Variants in HSD17B12 observed in about 807,000 individuals in gnomAD.
HSD17B12 encodes the protein hydroxysteroid 17-beta dehydrogenase 12, also known as very-long-chain 3-oxoacyl-CoA reductase.
A neutral mutation model predicts 39.3 loss-of-function variants in HSD17B12; 32 were observed. The ratio of observed to expected loss-of-function variants is 0.81; its 90% CI spans 0.61 to 1.09. HSD17B12 has a LOEUF of 1.09. HSD17B12 is among the 50% of genes least tolerant of loss of function. The pLI is 0.00. For missense variants in HSD17B12, 342 were observed against 382.9 expected (o/e 0.89, Z 0.89); for synonymous variants, 150 against 146.7 (o/e 1.02, Z -0.16).
At chr11:43,717,909 A>T (rs1028017919) in intron 1 of HSD17B12, among the ~76,000 whole-genome samples, 3 of 151,292 alleles carry the variant, frequency 2.0e-5, no homozygotes, top group Non-Finnish European at 4.4e-5. Context: ...GGTTTAAGCA[A>T]TTCTCATACC....
intron 3 of HSD17B12, among the ~76,000 whole-genome samples, chr11:43,761,186 T>C (rs998326311): frequency 2.0e-5 from 3 of 152,234 alleles, no homozygotes; most frequent in Non-Finnish European, 4.4e-5. Flanking sequence ...AAATTTACCA[T>C]TAAATGAAAC....
the HSD17B12 span, among the ~76,000 whole-genome samples, chr11:43,563,773 G>A: frequency 5.3e-3 from 808 of 152,274 alleles, 13 homozygotes; most frequent in African/African-American, 0.013. Flanking sequence ...AGCTATGATC[G>A]TGCCACTGCA....
rs1305210495 is a variant in HSD17B12 at position 43,754,113 on chromosome 11, G to C, written c.275G>C (p.Ser92Thr). 3 of 1,608,302 alleles carry C rather than the reference G, an allele frequency of 1.9e-6. No homozygotes were observed. Among genetic ancestry groups the C allele is most frequent in the Non-Finnish European group, 2.6e-6 (3 of 1,175,434 alleles). The change falls in exon 3 of 11, where the codon AGT (serine) becomes ACT (threonine). Residue 92 changes from serine (S) to threonine (T), a missense_variant. Coordinates refer to ENST00000278353, the MANE Select transcript of HSD17B12 (RefSeq NM_016142.3). The part of the protein sequence containing the change: ...RSKDKLDQVS[S>T]EIKEKFKVET... ...AAGGATAAACTTGACCAGGTTTCCAGTGAAATAAGTAAGTTCTCACATCAA... is the reference window on the plus strand; with the variant it reads ...AAGGATAAACTTGACCAGGTTTCCACTGAAATAAGTAAGTTCTCACATCAA...
At chr11:43,755,817 A>T (rs1312742644) in intron 3 of HSD17B12, among the ~76,000 whole-genome samples, 1 of 152,208 alleles carries the variant, frequency 6.6e-6, no homozygotes, top group Non-Finnish European at 1.5e-5. Flanking sequence ...GATAAAAAAC[A>T]GAGTGTATTC....
intron 1 of HSD17B12, among the ~76,000 whole-genome samples, chr11:43,686,236 T>C (rs1476814599): frequency 6.6e-6 from 1 of 152,206 alleles, no homozygotes; most frequent in Non-Finnish European, 1.5e-5. Flanking sequence ...AGTCATTACA[T>C]GGGTTATGTT....
chr11:43,673,385 C>G, the HSD17B12 span: 1 of 151,842 alleles, frequency 6.6e-6, no homozygotes, highest in Non-Finnish European at 1.5e-5. Context: ...AAGCAGAAAT[C>G]TAATGTGATT....
the HSD17B12 span, among the ~76,000 whole-genome samples, chr11:43,591,675 A>G: frequency 6.6e-6 from 1 of 152,056 alleles, no homozygotes; most frequent in Admixed American, 6.6e-5. Flanking sequence ...TTCTTTGTGA[A>G]CTACCTCTCA....
the HSD17B12 span, among the ~76,000 whole-genome samples, chr11:43,631,014 A>C: frequency 1.3e-5 from 2 of 152,242 alleles, no homozygotes; most frequent in South Asian, 4.1e-4. Context: ...CATGTTGGTC[A>C]GGCTGGTCTC....
chr11:43,850,922 G>A (rs1399823656), intron 9 of HSD17B12, among the ~76,000 whole-genome samples: 2 of 152,112 alleles, frequency 1.3e-5, no homozygotes, highest in African/African-American at 4.8e-5. Context: ...TTAGCCGGGC[G>A]TGGTGGCAGG....
intron 6 of HSD17B12, chr11:43,829,631 C>T (rs1951287541): frequency 6.6e-6 from 1 of 152,108 alleles, no homozygotes; most frequent in Non-Finnish European, 1.5e-5. Context: ...CTTCTGGACT[C>T]CACTTAGCTG....
chr11:43,723,962 A>G (rs987865312), intron 1 of HSD17B12: 1 of 150,496 alleles, frequency 6.6e-6, no homozygotes, highest in Non-Finnish European at 1.5e-5. Flanking sequence ...GAGGAGGAGA[A>G]TTTTTTTTTT....
chr11:43,712,452 T>A (rs1043940954), intron 1 of HSD17B12, among the ~76,000 whole-genome samples: 1 of 151,860 alleles, frequency 6.6e-6, no homozygotes, highest in East Asian at 1.9e-4. Flanking sequence ...ACCAAAAAGC[T>A]TGGTCTCCAC....
At chr11:43,617,890 G>A in the HSD17B12 span, among the ~76,000 whole-genome samples, 1 of 152,162 alleles carries the variant, frequency 6.6e-6, no homozygotes, top group Non-Finnish European at 1.5e-5. Context: ...ATCTCCCTAA[G>A]TATCTTTTTA....
In HSD17B12 at chr11:43,798,311, T is replaced by C. The variant is rs993852696; in HGVS notation, c.284-9T>C. ...TGTCTCTCCCCGTTTGTGTTTTCTT[T>C]TTCCCTAGAAGAAAAATTCAAAGTG... On this transcript the variant is annotated splice_polypyrimidine_tract_variant and intron_variant, in intron 3 of 10. Transcript: ENST00000278353. The C allele has an allele frequency of 4.5e-6, 7 of 1,567,464 alleles. No individual in the cohort carries two copies. The highest frequency in any genetic ancestry group is 4.4e-6 in the Non-Finnish European group (5 of 1,139,078).
chr11:43,764,535 T>G (rs1416236793), intron 3 of HSD17B12, among the ~76,000 whole-genome samples: 1 of 152,158 alleles, frequency 6.6e-6, no homozygotes, highest in Admixed American at 6.5e-5. Context: ...CCATCAATTA[T>G]TTTGAGAGGG....
chr11:43,588,978 T>TTTATTA, the HSD17B12 span, among the ~76,000 whole-genome samples: 39 of 148,608 alleles, frequency 2.6e-4, no homozygotes, highest in African/African-American at 8.6e-4. Context: ...TCTTTTTGCC[T>TTTATTA]TTATTATTAT....
At chr11:43,851,544 A>G (rs1951530974) in intron 9 of HSD17B12, among the ~76,000 whole-genome samples, 1 of 152,166 alleles carries the variant, frequency 6.6e-6, no homozygotes, top group South Asian at 2.1e-4. Flanking sequence ...AGGTGCTCTT[A>G]TATATGCTTC....
At chr11:43,722,856 C>T (rs1327598473) in intron 1 of HSD17B12, among the ~76,000 whole-genome samples, 1 of 152,006 alleles carries the variant, frequency 6.6e-6, no homozygotes, top group Non-Finnish European at 1.5e-5. Context: ...AAGAATTCGC[C>T]TGCCATGGTG....
At chr11:43,665,265 C>G in the HSD17B12 span, among the ~76,000 whole-genome samples, 133 of 152,294 alleles carry the variant, frequency 8.7e-4, no homozygotes, top group African/African-American at 3.0e-3. Flanking sequence ...GTCGCCTAGG[C>G]TGGAGTGCGG....
Sources: gnomAD v4.1 joint callset for allele counts (sites outside exome capture counted in the v4.1 genomes callset) on GRCh38, gnomAD v4.1.1 for gene constraint, MANE v1.5 for transcripts, NCBI Gene and HGNC (gene_info 2026-07-23, HGNC 2026-07-21) for gene names.